The following PCDH15 variants were observed in gnomAD, a reference collection of about 807,000 sequenced individuals.
The protein encoded by PCDH15 is protocadherin-15.
A neutral mutation model predicts 178.5 loss-of-function variants in PCDH15; 129 were observed. The observed-to-expected ratio is 0.72, with a 90% CI of 0.63 to 0.84. The LOEUF (loss-of-function observed/expected upper bound fraction) is 0.84, where lower values mean the gene tolerates loss of function less well. Among genes scored for constraint, PCDH15 ranks in the 40% least tolerant of loss-of-function variants. The pLI is 0.00. For synonymous variants in PCDH15, 800 were observed against 732.0 expected (o/e 1.09, Z -1.50); for missense variants, 2,230 against 2,099.9 (o/e 1.06, Z -1.21).
intron 5 of PCDH15, among the ~76,000 whole-genome samples, chr10:54,368,655 A>AG (rs1378060053): frequency 9.9e-5 from 15 of 152,040 alleles, no homozygotes; most frequent in South Asian, 4.1e-4. Flanking sequence ...TTCGGTTGTG[A>AG]TTTGTAGTTA....
At chr10:55,272,269 A>C (rs1394159783) in intron 1 of PCDH15, among the ~76,000 whole-genome samples, 1 of 151,912 alleles carries the variant, frequency 6.6e-6, no homozygotes, top group African/African-American at 2.4e-5. Context: ...GAATATGGTT[A>C]AGTTGAAATG....
At chr10:55,357,204 A>T (rs1414136272) in intron 2 of PCDH15, among the ~76,000 whole-genome samples, 1 of 152,016 alleles carries the variant, frequency 6.6e-6, no homozygotes, top group Non-Finnish European at 1.5e-5. Context: ...TGAAAAATTC[A>T]AACATGAATA....
chr10:54,899,648 C>A (rs927856870), intron 2 of PCDH15, among the ~76,000 whole-genome samples: 2 of 151,980 alleles, frequency 1.3e-5, no homozygotes, highest in African/African-American at 4.8e-5. Flanking sequence ...AGGTGCCCAC[C>A]ACCAGGCCTG....
chr10:54,415,908 C>T (rs951423071), intron 3 of PCDH15, among the ~76,000 whole-genome samples: 6 of 152,012 alleles, frequency 3.9e-5, no homozygotes, highest in African/African-American at 1.2e-4. Context: ...CCAATGACAA[C>T]TGAAAATATA....
chr10:54,387,911 T>C (rs1200136136), intron 3 of PCDH15, among the ~76,000 whole-genome samples: 1 of 152,158 alleles, frequency 6.6e-6, no homozygotes, highest in Non-Finnish European at 1.5e-5. Context: ...AACACACTTA[T>C]ATGGGGTACT....
chr10:54,145,746 G>A (rs1267268760), intron 14 of PCDH15, among the ~76,000 whole-genome samples: 1 of 152,076 alleles, frequency 6.6e-6, no homozygotes, highest in Non-Finnish European at 1.5e-5. Context: ...GCAGTAGTAA[G>A]AGTTAAGGTA....
chr10:55,120,259 A>G lies in PCDH15; in HGVS notation c.-80+46317T>C, dbSNP rs1402544029. ...GGATGATGAGCTATTTTCTGACATC[A>G]GGAAGAGGGAAGAAAGATGAGACCT... On this transcript the variant is annotated intron_variant, in intron 2 of 5. Coordinates refer to the PCDH15 transcript ENST00000458638. 1.1e-4 allele frequency among the ~76,000 whole-genome samples: 16 copies of G among 152,208 alleles called. 1 individual carries two copies. The highest frequency in any genetic ancestry group is 6.2e-4 in the South Asian group (3 of 4,830).
At chr10:55,433,965 T>C (rs958446546) in intron 2 of PCDH15, among the ~76,000 whole-genome samples, 25 of 152,046 alleles carry the variant, frequency 1.6e-4, no homozygotes, top group African/African-American at 4.8e-4. Flanking sequence ...CTGGGCTCCA[T>C]AATCTTTTCT....
chr10:55,555,712 G>T (rs1475492220), intron 2 of PCDH15, among the ~76,000 whole-genome samples: 1 of 152,082 alleles, frequency 6.6e-6, no homozygotes, highest in African/African-American at 2.4e-5. Context: ...TAGAAGTAAT[G>T]AGGGTGCTTA....
chr10:54,732,343 T>A (rs536021171), intron 1 of PCDH15, among the ~76,000 whole-genome samples: 11 of 150,916 alleles, frequency 7.3e-5, no homozygotes, highest in African/African-American at 2.2e-4. Flanking sequence ...ACTACCAATA[T>A]CCTTATGAAA....
intron 6 of PCDH15, among the ~76,000 whole-genome samples, chr10:54,339,652 G>C (rs1215207296): frequency 1.3e-5 from 2 of 152,110 alleles, no homozygotes; most frequent in African/African-American, 4.8e-5. Context: ...TCAGGCTTCT[G>C]AATCTTCTCC....
intron 1 of PCDH15, among the ~76,000 whole-genome samples, chr10:54,691,076 T>C (rs1004131449): frequency 6.6e-6 from 1 of 152,102 alleles, no homozygotes; most frequent in Non-Finnish European, 1.5e-5. Context: ...GTTTTAATTA[T>C]CAATTAAAAA....
intron 8 of PCDH15, among the ~76,000 whole-genome samples, chr10:54,277,656 C>T (rs536447103): frequency 8.6e-4 from 131 of 151,660 alleles, no homozygotes; most frequent in Non-Finnish European, 1.5e-3. Context: ...CTGGCAATCC[C>T]ATCAAGAGGG....
chr10:54,695,875 A>G (rs75651949), intron 1 of PCDH15, among the ~76,000 whole-genome samples: 44 of 152,094 alleles, frequency 2.9e-4, no homozygotes, highest in African/African-American at 1.1e-3. Flanking sequence ...CCAATGGAAA[A>G]AAAAAGATTA....
At position 53,805,777 on chromosome 10, in the gene PCDH15, TTTCTCACTTCCC is replaced by T. The variant is rs1841110598; in HGVS notation, c.*790_*801del. On this transcript the variant is annotated 3_prime_UTR_variant, in exon 38 of 38. Coordinates refer to ENST00000644397, the MANE Select transcript of PCDH15 (RefSeq NM_001384140.1). ...AGATGCATTACTGCTTACTCGAACC[TTTCTCACTTCCC>T]TAAAAGCTTTTGCTAAGGGTGAGAT... 1 of 152,140 alleles carries T rather than the reference TTTCTCACTTCCC, an allele frequency of 6.6e-6. No individual in the cohort carries two copies. Among genetic ancestry groups the T allele is most frequent in the Admixed American group, 6.6e-5 (1 of 15,254 alleles). 9.4% of individuals were successfully genotyped at this position (152,140 alleles called of 1,614,324 possible).
chr10:55,319,420 A>C (rs546262813), intron 1 of PCDH15, among the ~76,000 whole-genome samples: 1 of 152,316 alleles, frequency 6.6e-6, no homozygotes, highest in East Asian at 1.9e-4. Context: ...TAGAAATTTT[A>C]AAAATAGATA....
At chr10:55,386,344 A>C (rs1837658584) in intron 2 of PCDH15, among the ~76,000 whole-genome samples, 1 of 152,098 alleles carries the variant, frequency 6.6e-6, no homozygotes, top group African/African-American at 2.4e-5. Flanking sequence ...GCCATGTATC[A>C]AGTATTAATT....
chr10:54,739,728 T>C (rs573076514), intron 1 of PCDH15, among the ~76,000 whole-genome samples: 1 of 151,830 alleles, frequency 6.6e-6, no homozygotes, highest in South Asian at 2.1e-4. Context: ...CAGAAATAAA[T>C]CCATGCATTT....
intron 25 of PCDH15, among the ~76,000 whole-genome samples, chr10:53,923,185 G>C (rs1395415857): frequency 6.6e-6 from 1 of 152,158 alleles, no homozygotes; most frequent in African/African-American, 2.4e-5. Context: ...CTAGTAACAG[G>C]CTTTCAAAAT....
Sources: gnomAD v4.1 joint callset for allele counts (sites outside exome capture counted in the v4.1 genomes callset) on GRCh38, gnomAD v4.1.1 for gene constraint, MANE v1.5 for transcripts, NCBI Gene and HGNC (gene_info 2026-07-23, HGNC 2026-07-21) for gene names.